The following DPP6 variants were observed in gnomAD, a reference collection of about 807,000 sequenced individuals.
DPP6 encodes A-type potassium channel modulatory protein DPP6.
Under a neutral mutation model 122.6 loss-of-function variants are expected in DPP6, and 69 were observed. That is an observed-to-expected ratio of 0.56 (90% confidence interval 0.46 to 0.69). The LOEUF is 0.69. Among genes scored for constraint, DPP6 ranks in the 30% least tolerant of loss-of-function variants. The pLI, the probability that DPP6 is intolerant of heterozygous loss-of-function variation, is 0.00. For synonymous variants in DPP6, 418 were observed against 433.1 expected (o/e 0.97, Z 0.43); for missense variants, 928 against 1,116.9 (o/e 0.83, Z 2.41).
At chr7:153,854,185 G>A in the DPP6 span, among the ~76,000 whole-genome samples, 3 of 151,204 alleles carry the variant, frequency 2.0e-5, no homozygotes, top group African/African-American at 4.9e-5. Context: ...TGAGGGCTCT[G>A]TTCTGTTCCA....
intron 1 of DPP6, among the ~76,000 whole-genome samples, chr7:153,970,187 ATATT>A (rs1795956876): frequency 6.6e-6 from 1 of 152,196 alleles, no homozygotes; most frequent in Non-Finnish European, 1.5e-5. Flanking sequence ...TTTTAGCAAA[ATATT>A]TAGTAGAATT....
chr7:154,509,706 A>C (rs1307398458), intron 3 of DPP6, among the ~76,000 whole-genome samples: 2 of 152,228 alleles, frequency 1.3e-5, no homozygotes. Context: ...ATAATAGCCA[A>C]AAAGTGCAAA....
chr7:153,867,578 C>A, the DPP6 span, among the ~76,000 whole-genome samples: 1 of 152,228 alleles, frequency 6.6e-6, no homozygotes, highest in African/African-American at 2.4e-5. Context: ...TCTAGATATA[C>A]AATCATGTCA....
chr7:154,650,320 A>AGAGAG (rs1836792263), intron 6 of DPP6, among the ~76,000 whole-genome samples: 1 of 151,872 alleles, frequency 6.6e-6, no homozygotes, highest in Admixed American at 6.6e-5. Context: ...GCAAGCAAGA[A>AGAGAG]GAGAGGAGAG....
At chr7:154,619,060 C>A (rs147325784) in intron 5 of DPP6, among the ~76,000 whole-genome samples, 4 of 152,268 alleles carry the variant, frequency 2.6e-5, no homozygotes, top group African/African-American at 7.2e-5. Flanking sequence ...TGCCTGCTGC[C>A]ATGTAAGATG....
intron 1 of DPP6, among the ~76,000 whole-genome samples, chr7:154,156,165 C>T (rs1796668626): frequency 6.6e-6 from 1 of 152,200 alleles, no homozygotes; most frequent in Non-Finnish European, 1.5e-5. Context: ...ACAGGGTCAT[C>T]CCGAGGCCCT....
rs1208270270 is a variant in DPP6 at position 154,062,163 on chromosome 7, A to AC, written c.243+9103dup. ...GACCCTCATCCCCCACCGGCTTAGG[A>AC]CCCACATCGTTGATCCTAAGATCCT... On this transcript the variant is annotated intron_variant, in intron 1 of 25. Transcript: ENST00000377770. 9.8e-4 allele frequency among the ~76,000 whole-genome samples: 97 copies of AC among 98,762 alleles called. 31 individuals are homozygous for AC. The highest frequency in any genetic ancestry group is 2.2e-3 in the South Asian group (5 of 2,232). 64.8% of individuals were successfully genotyped at this position (98,762 alleles called of 152,430 possible). A position where few individuals can be genotyped will look rare whatever the true frequency, so the allele number is the denominator to read the frequency against.
At chr7:153,788,239 TC>T in the DPP6 span, among the ~76,000 whole-genome samples, 1 of 152,200 alleles carries the variant, frequency 6.6e-6, no homozygotes, top group Non-Finnish European at 1.5e-5. Flanking sequence ...GCCAGAAAAG[TC>T]CCCAGAAGAA....
chr7:153,899,421 C>A (rs1799549277), intron 1 of DPP6, among the ~76,000 whole-genome samples: 2 of 152,170 alleles, frequency 1.3e-5, no homozygotes, highest in African/African-American at 2.4e-5. Flanking sequence ...GGGGAGATAG[C>A]TGACAGAGGA....
At chr7:153,861,168 TTAATA>T in the DPP6 span, among the ~76,000 whole-genome samples, 1 of 152,190 alleles carries the variant, frequency 6.6e-6, no homozygotes, top group Admixed American at 6.5e-5. Flanking sequence ...AGACAGGACT[TTAATA>T]TAAATTTAAG....
At chr7:154,826,053 C>G (rs892525937) in intron 16 of DPP6, among the ~76,000 whole-genome samples, 13 of 152,182 alleles carry the variant, frequency 8.5e-5, no homozygotes, top group African/African-American at 3.1e-4. Context: ...CTTCACCCTA[C>G]GTTTCACAAA....
At chr7:153,932,140 T>TTTTA (rs71182855) in intron 1 of DPP6, among the ~76,000 whole-genome samples, 3 of 139,894 alleles carry the variant, frequency 2.1e-5, no homozygotes, top group East Asian at 2.0e-4. Context: ...TTTTTTTTTT[T>TTTTA]AACAGAATCT....
intron 6 of DPP6, among the ~76,000 whole-genome samples, chr7:154,651,481 G>A (rs908523921): frequency 6.6e-6 from 1 of 152,000 alleles, no homozygotes; most frequent in African/African-American, 2.4e-5. Context: ...CCCCTTCCGT[G>A]GGCTAAACAA....
At chr7:153,939,829 C>T (rs1157765446) in intron 1 of DPP6, among the ~76,000 whole-genome samples, 2 of 152,170 alleles carry the variant, frequency 1.3e-5, no homozygotes, top group Admixed American at 6.5e-5. Context: ...AAAGAGGAAC[C>T]AGATGGAAGC....
chr7:154,725,380 G>C (rs751086617), intron 7 of DPP6, among the ~76,000 whole-genome samples: 20 of 152,206 alleles, frequency 1.3e-4, no homozygotes, highest in African/African-American at 4.8e-4. Flanking sequence ...TCTGCTGGCT[G>C]TACAGGAAGC....
At chr7:154,782,261 A>G (rs768608229) in intron 10 of DPP6, among the ~76,000 whole-genome samples, 1 of 152,208 alleles carries the variant, frequency 6.6e-6, no homozygotes, top group Non-Finnish European at 1.5e-5. Context: ...TCTTCCAGCT[A>G]TCTTCGCTTC....
At chr7:154,247,168 C>T (rs1030595270) in intron 1 of DPP6, among the ~76,000 whole-genome samples, 2 of 151,996 alleles carry the variant, frequency 1.3e-5, no homozygotes, top group African/African-American at 2.4e-5. Flanking sequence ...CAAAGATGAG[C>T]CAGGAGTGGT....
the DPP6 span, among the ~76,000 whole-genome samples, chr7:153,844,303 A>G: frequency 6.6e-5 from 10 of 152,236 alleles, no homozygotes; most frequent in Non-Finnish European, 1.5e-4. Context: ...AACCATAGCA[A>G]TCATGGCTTG....
Position 154,026,652 on chromosome 7 carries a change from C to A in DPP6, c.51+138918C>A, listed in dbSNP as rs540170746. On this transcript the variant is annotated intron_variant, in intron 1 of 25. Coordinates refer to the DPP6 transcript ENST00000404039. Reference sequence around the variant, plus strand: ...TTCTCCATCTGTGATGACAGTGATCCCTGGACGTGACTTCTTCAAGTGTCC... The same window carrying A: ...TTCTCCATCTGTGATGACAGTGATCACTGGACGTGACTTCTTCAAGTGTCC... 4.0e-5 allele frequency: 6 copies of A among 151,720 alleles called. No individual in the cohort carries two copies. The South Asian group carries it at 1.3e-3, about 32-fold the overall frequency. The allele number at this position is 151,720 out of a possible 1,614,324, so 9.4% of individuals were successfully genotyped here. A position where few individuals can be genotyped will look rare whatever the true frequency, so the allele number is the denominator to read the frequency against.
Sources: gnomAD v4.1 joint callset for allele counts (sites outside exome capture counted in the v4.1 genomes callset) on GRCh38, gnomAD v4.1.1 for gene constraint, MANE v1.5 for transcripts, NCBI Gene and HGNC (gene_info 2026-07-23, HGNC 2026-07-21) for gene names.